Variants in SLC28A3 observed in about 807,000 individuals in gnomAD.
SLC28A3 encodes the protein concentrative Na(+)-nucleoside cotransporter 3.
Under a neutral mutation model 84.2 loss-of-function variants are expected in SLC28A3, and 68 were observed. That is an observed-to-expected ratio of 0.81 (90% confidence interval 0.66 to 0.99). The LOEUF is 0.99. Ranked by LOEUF, SLC28A3 falls within the 50% of genes least tolerant of loss-of-function variation. The probability of loss-of-function intolerance (pLI) is 0.00; values close to 1 mark genes in which losing one functional copy is unlikely to be tolerated. For missense variants in SLC28A3, 712 were observed against 841.5 expected (o/e 0.85, Z 1.90); for synonymous variants, 267 against 303.6 (o/e 0.88, Z 1.25).
chr9:84,328,193 A>ACG (rs60980673), intron 1 of SLC28A3, among the ~76,000 whole-genome samples: 1 of 149,586 alleles, frequency 6.7e-6, no homozygotes, highest in Non-Finnish European at 1.5e-5. Flanking sequence ...ACACACACAC[A>ACG]TATTCACACA....
chr9:84,280,952 G>T, intron 14 of SLC28A3, 70 bp from the exon 15 acceptor site: 1 of 1,416,988 alleles, frequency 7.1e-7, no homozygotes, highest in Non-Finnish European at 9.9e-7. Flanking sequence ...ATCCAACTGG[G>T]CTTCATTTTG....
At position 84,285,533 on chromosome 9, in the gene SLC28A3, A is replaced by C; in HGVS notation, c.1459T>G (p.Ser487Ala). The C allele has an allele frequency of 6.2e-7, 1 of 1,614,170 alleles. No homozygotes were observed. Among genetic ancestry groups the C allele is most frequent in the Non-Finnish European group, 8.5e-7 (1 of 1,180,030 alleles). The change falls in exon 14 of 18, where the codon TCC (serine) becomes GCC (alanine). Residue 487 changes from serine (S) to alanine (A), a missense_variant. Coordinates refer to ENST00000376238, the MANE Select transcript of SLC28A3 (RefSeq NM_001199633.2). ...AAGGAAAAGGGCATGAAGATGTAGG[A>C]GCAGATTAGCTACAGAAACCAAAAG... ...YPQLSFELIC[S>A]YIFMPFSFMM... is the part of the protein sequence containing the mutation.
At chr9:84,305,495 C>T (rs1251962484) in intron 3 of SLC28A3, 150 bp from the exon 4 acceptor site, 1 of 696,464 alleles carries the variant, frequency 1.4e-6, no homozygotes, top group South Asian at 1.6e-5. Flanking sequence ...ATGGGAAACT[C>T]ATTTCATTTT....
At chr9:84,304,155 T>C (rs1482599319) in intron 4 of SLC28A3, among the ~76,000 whole-genome samples, 1 of 152,280 alleles carries the variant, frequency 6.6e-6, no homozygotes, top group Admixed American at 6.5e-5. Flanking sequence ...GTCTGTCTAC[T>C]TATGTATTGT....
In SLC28A3 at chr9:84,304,163, T is replaced by C. The variant is rs75063070; in HGVS notation, c.334+1091A>G. Among the ~76,000 whole-genome samples the C allele has an allele frequency of 8.7e-3, 1,333 of 152,398 alleles. 27 individuals are homozygous for C. The highest frequency in any genetic ancestry group is 0.031 in the African/African-American group (1,286 of 41,598). ...CAGCCATGTCTGTCTACTTATGTATTGTTTATGGTTGCTTTGTTACTACAG... is the reference window on the plus strand; with the variant it reads ...CAGCCATGTCTGTCTACTTATGTATCGTTTATGGTTGCTTTGTTACTACAG... On this transcript the variant is annotated intron_variant, in intron 4 of 17. Transcript: ENST00000376238.
At position 84,340,535 on chromosome 9, in the gene SLC28A3, C is replaced by T. The variant is rs778738500; in HGVS notation, c.60+39G>A. On this transcript the variant is annotated intron_variant, in intron 1 of 17. Transcript: ENST00000376238. ...GGGGCTAAGGAAAGGGCAGCTTTTC[C>T]ACTGAAGGCCTTTAACATAAGAGGA... 8.7e-6 allele frequency: 14 copies of T among 1,610,498 alleles called. No individual in the cohort carries two copies. The East Asian group carries it at 2.5e-4, about 28-fold the overall frequency.
intron 1 of SLC28A3, among the ~76,000 whole-genome samples, chr9:84,322,345 T>A (rs1304761540): frequency 6.6e-6 from 1 of 152,260 alleles, no homozygotes; most frequent in Non-Finnish European, 1.5e-5. Flanking sequence ...CCTAAGCTAA[T>A]TCAAAGTCAT....
At chr9:84,333,329 G>C (rs545872772) in intron 1 of SLC28A3, among the ~76,000 whole-genome samples, 1 of 152,140 alleles carries the variant, frequency 6.6e-6, no homozygotes, top group Admixed American at 6.5e-5. Context: ...TGGGGGAAGC[G>C]TGTAGCTTTT....
chr9:84,343,269 C>T (rs1459549532), upstream of SLC28A3, among the ~76,000 whole-genome samples: 1 of 152,212 alleles, frequency 6.6e-6, no homozygotes, highest in African/African-American at 2.4e-5. Flanking sequence ...TCCAACCCTC[C>T]GTTTCTCTGG....
intron 14 of SLC28A3, among the ~76,000 whole-genome samples, chr9:84,282,962 A>G (rs1345594013): frequency 6.6e-6 from 1 of 152,218 alleles, no homozygotes; most frequent in Admixed American, 6.5e-5. Flanking sequence ...TATTTCAAGT[A>G]GGTATGCAGT....
At chr9:84,284,309 A>G (rs1056560793) in intron 14 of SLC28A3, among the ~76,000 whole-genome samples, 13 of 152,222 alleles carry the variant, frequency 8.5e-5, no homozygotes, top group African/African-American at 2.9e-4. Context: ...GGAAATCTAC[A>G]GAGTCCCTGC....
Position 84,278,189 on chromosome 9 carries a change from TCA to T in SLC28A3, c.*27_*28del. The T allele has an allele frequency of 6.2e-7, 1 of 1,609,192 alleles. No homozygotes were observed. The highest frequency in any genetic ancestry group is 1.7e-5 in the Admixed American group (1 of 59,486). On this transcript the variant is annotated 3_prime_UTR_variant, in exon 18 of 18. Coordinates refer to ENST00000376238, the MANE Select transcript of SLC28A3 (RefSeq NM_001199633.2). ...AAGCAGAAAATTCAGCATCTGTACT[TCA>T]GAGTTCCACTGGAGAAGTGGCTGAC...
In SLC28A3 at chr9:84,294,179, C is replaced by T. The variant is rs1825332680; in HGVS notation, c.942+16G>A. 6.2e-7 allele frequency: 1 copy of T among 1,613,452 alleles called. No homozygotes were observed. ...CAGCTCTACACCTATAACCCAGTCC[C>T]TCCCAGCCCCAGTACCTTTCTAATA... On this transcript the variant is annotated intron_variant, in intron 9 of 17. Transcript: ENST00000376238.
intron 1 of SLC28A3, among the ~76,000 whole-genome samples, chr9:84,326,616 G>T (rs949165438): frequency 6.6e-6 from 1 of 150,694 alleles, no homozygotes; most frequent in Admixed American, 6.6e-5. Flanking sequence ...ATCTGTCTAG[G>T]CCTATAGATG....
At chr9:84,357,426 G>T in the SLC28A3 span, among the ~76,000 whole-genome samples, 1 of 152,010 alleles carries the variant, frequency 6.6e-6, no homozygotes, top group Non-Finnish European at 1.5e-5. Context: ...ACACAGCAAG[G>T]TCAGGGTTTT....
rs573781103 is a variant in SLC28A3 at position 84,275,788 on chromosome 9, A to G, written c.*2430T>C. 20 of 152,330 alleles carry G rather than the reference A, an allele frequency of 1.3e-4. No homozygotes were observed. The highest frequency in any genetic ancestry group is 4.6e-4 in the African/African-American group (19 of 41,570). The allele number at this position is 152,330 out of a possible 1,614,324, so 9.4% of individuals were successfully genotyped here. ...TTACTATCCTCTTATAATATAGCTC[A>G]GGAATAACACCCCCTTTCTCAGTTC... On this transcript the variant is annotated 3_prime_UTR_variant, in exon 18 of 18. Coordinates refer to ENST00000376238, the MANE Select transcript of SLC28A3 (RefSeq NM_001199633.2).
chr9:84,306,035 G>A (rs902036830), intron 3 of SLC28A3, among the ~76,000 whole-genome samples: 2 of 152,074 alleles, frequency 1.3e-5, no homozygotes, highest in African/African-American at 4.8e-5. Context: ...GAGGAGGATC[G>A]TGTCCAGCAG....
At chr9:84,278,972 G>C (rs899948275) in intron 17 of SLC28A3, among the ~76,000 whole-genome samples, 5 of 152,072 alleles carry the variant, frequency 3.3e-5, no homozygotes, top group African/African-American at 4.8e-5. Flanking sequence ...ACAGCTGGGT[G>C]CATATTAAAT....
At position 84,302,324 on chromosome 9, in the gene SLC28A3, T is replaced by C; in HGVS notation, c.400A>G (p.Ile134Val). The part of the protein sequence containing the change: ...NFHRALPLFV[I>V]TVAAIFFVVW... The stretch of plus-strand genomic sequence containing the variant: ...ACAAAGAAGATGGCAGCCACGGTGA[T>C]CACAAAAAGAGGAAGGGCTCTGTGA... The change falls in exon 5 of 18, where the codon ATC (isoleucine) becomes GTC (valine). Residue 134 changes from isoleucine to valine, a missense_variant. Coordinates refer to ENST00000376238, the MANE Select transcript of SLC28A3 (RefSeq NM_001199633.2). 1.9e-6 allele frequency: 3 copies of C among 1,614,006 alleles called. No individual in the cohort carries two copies. The highest frequency in any genetic ancestry group is 2.5e-6 in the Non-Finnish European group (3 of 1,180,008).
Sources: gnomAD v4.1 joint callset for allele counts (sites outside exome capture counted in the v4.1 genomes callset) on GRCh38, gnomAD v4.1.1 for gene constraint, MANE v1.5 for transcripts, NCBI Gene and HGNC (gene_info 2026-07-23, HGNC 2026-07-21) for gene names.